The following COG5 variants were observed in gnomAD, a reference collection of about 807,000 sequenced individuals.
The protein encoded by COG5 is conserved oligomeric Golgi complex subunit 5.
Under a neutral mutation model 110.4 loss-of-function variants are expected in COG5, and 86 were observed. The ratio of observed to expected loss-of-function variants is 0.78; its 90% CI spans 0.65 to 0.93. COG5 has a LOEUF of 0.93. Ranked by LOEUF, COG5 falls within the 40% of genes least tolerant of loss-of-function variation. COG5 has a pLI of 0.00. For missense variants in COG5, 1,077 were observed against 987.0 expected (o/e 1.09, Z -1.22); for synonymous variants, 360 against 334.6 (o/e 1.08, Z -0.83).
intron 14 of COG5, among the ~76,000 whole-genome samples, chr7:107,271,405 C>T (rs890577476): frequency 1.3e-5 from 2 of 152,092 alleles, no homozygotes; most frequent in African/African-American, 4.8e-5. Flanking sequence ...ACTGAGTCAT[C>T]TAATACATGA....
Position 107,372,632 on chromosome 7 carries a change from T to C in COG5, c.798A>G (p.Ile266Met). The change falls in exon 8 of 22, where the codon ATA becomes ATG. Residue 266 changes from isoleucine to methionine, a missense_variant. Ile to Met is a conservative substitution (Grantham distance 10, BLOSUM62 1). Coordinates refer to ENST00000297135, the MANE Select transcript of COG5 (RefSeq NM_006348.5). Reference protein sequence around the residue: ...LEENINSALDIKVLTQPSQSA... With the variant: ...LEENINSALDMKVLTQPSQSA... ...ACTGGGAAGGCTGAGTCAAAACTTT[T>C]ATGTCTAATGCACTGTTGATATTTT... is the stretch of plus-strand genomic sequence containing the variant. 2 of 1,613,722 alleles carry C rather than the reference T, an allele frequency of 1.2e-6. No individual in the cohort carries two copies. The highest frequency in any genetic ancestry group is 1.7e-6 in the Non-Finnish European group (2 of 1,179,786).
chr7:107,404,329 TTC>T (rs1791654552), intron 7 of COG5, among the ~76,000 whole-genome samples: 1 of 152,204 alleles, frequency 6.6e-6, no homozygotes, highest in African/African-American at 2.4e-5. Flanking sequence ...TGAACATCTA[TTC>T]AGGCTAAGAG....
intron 11 of COG5, 84 bp from the exon 12 acceptor site, chr7:107,298,430 T>A: frequency 2.7e-6 from 3 of 1,104,536 alleles, no homozygotes; most frequent in Non-Finnish European, 4.0e-6. Flanking sequence ...ATGTTCCAAA[T>A]AACCCATACT....
rs139551153 is a variant in COG5 at position 107,542,756 on chromosome 7, G to C, written c.417+5355C>G. Reference sequence around the variant, plus strand: ...AGGCCGAGGCAGGTGGATCACTTGAGGTCAGGAGTTCGAGACCAGCTTGGC... The same window carrying C: ...AGGCCGAGGCAGGTGGATCACTTGACGTCAGGAGTTCGAGACCAGCTTGGC... On this transcript the variant is annotated intron_variant, in intron 5 of 21. Coordinates refer to ENST00000297135, the MANE Select transcript of COG5 (RefSeq NM_006348.5). Among the ~76,000 whole-genome samples the C allele has an allele frequency of 1.3e-3, 193 of 152,200 alleles. 4 individuals carry two copies. The East Asian group carries it at 0.026, about 20-fold the overall frequency.
intron 6 of COG5, among the ~76,000 whole-genome samples, chr7:107,489,510 T>G (rs114430223): frequency 0.012 from 1,833 of 152,280 alleles, 31 homozygotes; most frequent in African/African-American, 0.042. Flanking sequence ...TACAGAAGTC[T>G]GATCCCCATT....
chr7:107,327,414 A>G lies in COG5; in HGVS notation c.1027-2893T>C, dbSNP rs556866765. Among the ~76,000 whole-genome samples the G allele has an allele frequency of 2.6e-5, 4 of 152,304 alleles. No individual in the cohort carries two copies. The South Asian group carries it at 8.3e-4, about 32-fold the overall frequency. Reference sequence around the variant, plus strand: ...AATTCTTGTATAGGACACCATGAACACAGGCAACAAAAGCAGAAATAGACA... The same window carrying G: ...AATTCTTGTATAGGACACCATGAACGCAGGCAACAAAAGCAGAAATAGACA... On this transcript the variant is annotated intron_variant, in intron 10 of 21. Coordinates refer to ENST00000297135, the MANE Select transcript of COG5 (RefSeq NM_006348.5).
intron 6 of COG5, among the ~76,000 whole-genome samples, chr7:107,437,540 T>C (rs1794441754): frequency 6.6e-6 from 1 of 152,166 alleles, no homozygotes; most frequent in Non-Finnish European, 1.5e-5. Context: ...CTCTTTCAGA[T>C]ACTTAAAGTC....
rs548617468 is a variant in COG5, at chr7:107,229,953, C to T, written c.2168+662G>A. On this transcript the variant is annotated intron_variant, in intron 19 of 21. Coordinates refer to ENST00000297135, the MANE Select transcript of COG5 (RefSeq NM_006348.5). ...GCAACCTCTGACTCCCTGGTTCAAG[C>T]GATTCTCCTGCCTCAGCCTCCCCAG... Among the ~76,000 whole-genome samples the T allele has an allele frequency of 6.0e-5, 9 of 150,472 alleles. No homozygotes were observed. In the East Asian group the frequency reaches 1.4e-3, roughly 23 times the overall value.
intron 21 of COG5, among the ~76,000 whole-genome samples, chr7:107,207,134 C>T (rs969549080): frequency 2.0e-5 from 3 of 152,196 alleles, no homozygotes; most frequent in Non-Finnish European, 4.4e-5. Flanking sequence ...TTAGTAAGTA[C>T]TGAAATGCAT....
chr7:107,379,360 C>G (rs960030336), intron 7 of COG5, among the ~76,000 whole-genome samples: 5 of 152,072 alleles, frequency 3.3e-5, no homozygotes, highest in African/African-American at 1.2e-4. Context: ...GAAACTGCAT[C>G]AATTAACAGG....
intron 14 of COG5, among the ~76,000 whole-genome samples, chr7:107,261,645 A>G (rs1356167208): frequency 6.6e-6 from 1 of 152,156 alleles, no homozygotes; most frequent in Non-Finnish European, 1.5e-5. Flanking sequence ...TGATCCTTCC[A>G]ATACAATGGG....
chr7:107,256,865 G>A, intron 15 of COG5, 71 bp from the exon 16 acceptor site: 1 of 1,015,598 alleles, frequency 9.8e-7, no homozygotes, highest in Non-Finnish European at 1.5e-6. Context: ...TTTGATCATA[G>A]CATAATAAAG....
chr7:107,328,278 T>C (rs897952774), intron 10 of COG5, among the ~76,000 whole-genome samples: 2 of 152,194 alleles, frequency 1.3e-5, no homozygotes, highest in Non-Finnish European at 2.9e-5. Context: ...CTGTAGGTAA[T>C]TGTAACACAA....
At chr7:107,473,128 T>A (rs1796740335) in intron 6 of COG5, 1 of 151,860 alleles carries the variant, frequency 6.6e-6, no homozygotes, top group Admixed American at 6.6e-5. Context: ...CTTCACATAC[T>A]CCTTTTCCCT....
intron 14 of COG5, among the ~76,000 whole-genome samples, chr7:107,263,420 A>T (rs2116662608): frequency 6.6e-6 from 1 of 152,370 alleles, no homozygotes; most frequent in African/African-American, 2.4e-5. Context: ...GGGAACTAGA[A>T]AAGTGGGAGC....
chr7:107,482,399 G>C (rs1379767291), intron 6 of COG5, among the ~76,000 whole-genome samples: 1 of 151,848 alleles, frequency 6.6e-6, no homozygotes, highest in Non-Finnish European at 1.5e-5. Context: ...TCCCGCCTTG[G>C]CCTCCCAAAG....
At chr7:107,536,528 T>G (rs972314091) in intron 5 of COG5, among the ~76,000 whole-genome samples, 2 of 152,006 alleles carry the variant, frequency 1.3e-5, no homozygotes, top group Non-Finnish European at 2.9e-5. Context: ...ACAAAGAGAA[T>G]AAAATACCTA....
intron 21 of COG5, among the ~76,000 whole-genome samples, chr7:107,204,362 T>C (rs2116100266): frequency 6.6e-6 from 1 of 152,264 alleles, no homozygotes; most frequent in South Asian, 2.1e-4. Context: ...GCCTGCAAAG[T>C]CTGAAATATA....
At chr7:107,392,143 T>A (rs1790668471) in intron 7 of COG5, among the ~76,000 whole-genome samples, 1 of 152,084 alleles carries the variant, frequency 6.6e-6, no homozygotes, top group Non-Finnish European at 1.5e-5. Flanking sequence ...ATCACTTTCC[T>A]CCAGAGGTTT....
Sources: allele counts gnomAD v4.1 joint callset (sites outside exome capture counted in the v4.1 genomes callset), GRCh38; gene constraint gnomAD v4.1.1; transcripts MANE v1.5; gene names NCBI Gene and HGNC (gene_info 2026-07-23, HGNC 2026-07-21).